VPS13C: variants seen among roughly 807,000 people sequenced by gnomAD.
VPS13C encodes intermembrane lipid transfer protein VPS13C.
Under a neutral mutation model 456.8 loss-of-function variants are expected in VPS13C, and 358 were observed. That is an observed-to-expected ratio of 0.78 (90% CI 0.72 to 0.86). VPS13C has a LOEUF of 0.86. Among genes scored for constraint, VPS13C ranks in the 40% least tolerant of loss-of-function variants. VPS13C has a pLI of 0.00. For synonymous variants in VPS13C, 1,578 were observed against 1,486.7 expected (o/e 1.06, Z -1.41); for missense variants, 4,818 against 4,385.4 (o/e 1.10, Z -2.79).
Position 62,006,680 on chromosome 15 carries a change from A to G in VPS13C, c.1290+628T>C, listed in dbSNP as rs1303662045. Among the ~76,000 whole-genome samples, 3 of 152,154 alleles carry G rather than the reference A, an allele frequency of 2.0e-5. No homozygotes were observed. The East Asian group carries it at 5.8e-4, about 29-fold the overall frequency. The stretch of plus-strand genomic sequence containing the variant: ...TTCTGGATCCCTGAGGAATCGCCAC[A>G]CTGACTTCCACAATGGTTGAACTAG... On this transcript the variant is annotated intron_variant, in intron 15 of 84. Coordinates refer to ENST00000644861, the MANE Select transcript of VPS13C (RefSeq NM_020821.3).
chr15:61,867,815 T>G lies in VPS13C; in HGVS notation c.10863+844A>C. On this transcript the variant is annotated intron_variant, in intron 81 of 84. Coordinates refer to ENST00000644861, the MANE Select transcript of VPS13C (RefSeq NM_020821.3). The surrounding 1 kb of genome is among the most constrained non-coding windows in gnomAD (Gnocchi z 5.0). ...GAAAAGTTCAGATGGAGGTGAGAGT[T>G]TTAAAGAAAATTTCATTAAAATTGA... 6.6e-7 allele frequency: 1 copy of G among 1,525,896 alleles called. No homozygotes were observed. Among genetic ancestry groups the G allele is most frequent in the South Asian group, 1.3e-5 (1 of 78,766 alleles). 94.5% of individuals were successfully genotyped at this position (1,525,896 alleles called of 1,614,324 possible). A position where few individuals can be genotyped will look rare whatever the true frequency, so the allele number is the denominator to read the frequency against.
chr15:62,025,874 T>G (rs894148712), intron 6 of VPS13C, among the ~76,000 whole-genome samples: 3 of 151,656 alleles, frequency 2.0e-5, no homozygotes, highest in African/African-American at 7.3e-5. Flanking sequence ...ATATTATAAA[T>G]AAAAACTGAA....
At chr15:62,039,236 T>C (rs1321013629) in intron 3 of VPS13C, among the ~76,000 whole-genome samples, 8 of 152,134 alleles carry the variant, frequency 5.3e-5, no homozygotes, top group South Asian at 4.1e-4. Context: ...ATATATACCA[T>C]GCAATAGTAT....
chr15:61,956,312 C>T (rs1375294598), intron 37 of VPS13C, among the ~76,000 whole-genome samples: 3 of 147,702 alleles, frequency 2.0e-5, no homozygotes, highest in Middle Eastern at 3.5e-3. Context: ...ACAACAGACA[C>T]TGGGGACTAC....
At chr15:62,003,322 T>C (rs1016253388) in intron 15 of VPS13C, among the ~76,000 whole-genome samples, 12 of 151,142 alleles carry the variant, frequency 7.9e-5, no homozygotes, top group African/African-American at 3.0e-4. Flanking sequence ...TCTCCGTTTG[T>C]CTATTATTGG....
At chr15:62,002,398 C>T (rs1279853833) in intron 15 of VPS13C, among the ~76,000 whole-genome samples, 6 of 151,984 alleles carry the variant, frequency 3.9e-5, no homozygotes, top group Non-Finnish European at 8.8e-5. Flanking sequence ...TGTTTGAGTT[C>T]ATTATAGATT....
intron 81 of VPS13C, chr15:61,865,592 G>C: frequency 1.6e-6 from 1 of 628,836 alleles, no homozygotes; most frequent in Non-Finnish European, 2.0e-6. Flanking sequence ...GTATATGTGT[G>C]TGTATATATG....
intron 2 of VPS13C, among the ~76,000 whole-genome samples, chr15:62,043,988 C>A (rs1205639903): frequency 6.6e-6 from 1 of 151,984 alleles, no homozygotes; most frequent in African/African-American, 2.4e-5. Context: ...CAAATTAGAT[C>A]AACGAAAAAC....
intron 9 of VPS13C, among the ~76,000 whole-genome samples, chr15:62,017,130 G>T (rs1252529339): frequency 6.6e-6 from 1 of 151,868 alleles, no homozygotes; most frequent in African/African-American, 2.4e-5. Flanking sequence ...ACTTGTTGAT[G>T]GGGTTGTTTT....
chr15:61,981,498 T>C lies in VPS13C; in HGVS notation c.2030-20A>G. 21 of 1,562,904 alleles carry C rather than the reference T, an allele frequency of 1.3e-5. No individual in the cohort carries two copies. Among genetic ancestry groups the C allele is most frequent in the Non-Finnish European group, 1.8e-5 (21 of 1,159,314 alleles). On this transcript the variant is annotated intron_variant, in intron 21 of 84. Coordinates refer to ENST00000644861, the MANE Select transcript of VPS13C (RefSeq NM_020821.3). ...TAAGTCCTAAAGACGTAAGAAATAA[T>C]GACAGATTAGATGGTCAAGTTGAAA...
intron 83 of VPS13C, among the ~76,000 whole-genome samples, 153 bp downstream of exon 83, chr15:61,856,133 C>T (rs1893890643): frequency 6.6e-6 from 1 of 152,120 alleles, no homozygotes; most frequent in African/African-American, 2.4e-5. Context: ...AAAATAAGTA[C>T]AGTTATTCAA....
chr15:62,012,061 C>T lies in VPS13C; in HGVS notation c.883+46G>A, dbSNP rs772903776. 4 of 1,164,234 alleles carry T rather than the reference C, an allele frequency of 3.4e-6. No homozygotes were observed. The African/African-American group carries it at 6.3e-5, about 18-fold the overall frequency. 72.1% of individuals were successfully genotyped at this position (1,164,234 alleles called of 1,614,324 possible). A position where few individuals can be genotyped will look rare whatever the true frequency, so the allele number is the denominator to read the frequency against. On this transcript the variant is annotated intron_variant, in intron 12 of 84. Coordinates refer to ENST00000644861, the MANE Select transcript of VPS13C (RefSeq NM_020821.3). ...CTATGTTAAAATAATGTATTTAATT[C>T]TATGTTTCTTCCTATAACATGAAAT...
intron 24 of VPS13C, 98 bp from the exon 25 acceptor site, chr15:61,974,515 T>A: frequency 7.8e-7 from 1 of 1,288,132 alleles, no homozygotes; most frequent in Non-Finnish European, 1.1e-6. Flanking sequence ...TGCCTAAACT[T>A]TTGACATGTT....
chr15:61,867,883 T>A lies in VPS13C; in HGVS notation c.10863+776A>T. 6.2e-7 allele frequency: 1 copy of A among 1,601,974 alleles called. No homozygotes were observed. Among genetic ancestry groups the A allele is most frequent in the Non-Finnish European group, 8.5e-7 (1 of 1,174,452 alleles). Reference sequence around the variant, plus strand: ...AGTCAATTAACACCACAGTTTGTTTTGATTTTTAAGGATGAAATCAAGTAG... The same window carrying A: ...AGTCAATTAACACCACAGTTTGTTTAGATTTTTAAGGATGAAATCAAGTAG... On this transcript the variant is annotated intron_variant, in intron 81 of 84. Transcript: ENST00000644861. The surrounding 1 kb of genome is among the most constrained non-coding windows in gnomAD (Gnocchi z 5.0).
chr15:61,984,621 A>G (rs1032345521), intron 19 of VPS13C, among the ~76,000 whole-genome samples: 1 of 152,234 alleles, frequency 6.6e-6, no homozygotes, highest in Non-Finnish European at 1.5e-5. Flanking sequence ...GAGCCTATAA[A>G]TTAAATACTA....
intron 15 of VPS13C, among the ~76,000 whole-genome samples, chr15:62,001,573 G>C (rs2046617060): frequency 1.3e-5 from 2 of 152,094 alleles, no homozygotes; most frequent in South Asian, 4.2e-4. Context: ...CAACGTGCAG[G>C]TTAGTTACAT....
At chr15:62,010,332 A>G (rs78621006) in intron 13 of VPS13C, 140 bp downstream of exon 13, 15,123 of 915,228 alleles carry the variant, frequency 0.017, 178 homozygotes, top group Non-Finnish European at 0.02. Context: ...CATTTTCTTT[A>G]AAACAAAAAT....
chr15:62,054,977 T>C (rs1249954238), intron 1 of VPS13C, among the ~76,000 whole-genome samples: 1 of 152,182 alleles, frequency 6.6e-6, no homozygotes, highest in East Asian at 1.9e-4. Context: ...ACTGAAATGT[T>C]TTGCCCAGGG....
chr15:61,993,980 C>A (rs2046300986), intron 16 of VPS13C, among the ~76,000 whole-genome samples: 1 of 151,680 alleles, frequency 6.6e-6, no homozygotes, highest in Non-Finnish European at 1.5e-5. Flanking sequence ...ATATATGAGA[C>A]CAAAAATAAA....
Sources: gnomAD v4.1 joint callset for allele counts (sites outside exome capture counted in the v4.1 genomes callset) on GRCh38, gnomAD v4.1.1 for gene constraint, Gnocchi (gnomAD v3.1) non-coding constraint, MANE v1.5 for transcripts, NCBI Gene and HGNC (gene_info 2026-07-23, HGNC 2026-07-21) for gene names.